The following SMYD3 variants were observed in gnomAD, a reference collection of about 807,000 sequenced individuals.
The protein encoded by SMYD3 is histone-lysine N-methyltransferase SMYD3.
Under a neutral mutation model 57.7 loss-of-function variants are expected in SMYD3, and 36 were observed. The observed-to-expected ratio is 0.62, with a 90% CI of 0.48 to 0.82. SMYD3 has a LOEUF of 0.82. Ranked by LOEUF, SMYD3 falls within the 40% of genes least tolerant of loss-of-function variation. SMYD3 has a pLI of 0.00. For missense variants in SMYD3, 515 were observed against 538.8 expected, an observed-to-expected ratio of 0.96 and a Z score of 0.44; for synonymous variants, 211 against 195.0, an observed-to-expected ratio of 1.08 and a Z score of -0.68.
rs963321694 is a variant in SMYD3 at position 246,219,819 on chromosome 1, A to G, written c.531+107382T>C. The stretch of plus-strand genomic sequence containing the variant: ...AACACTCACCCAGGCTCCTGCACTC[A>G]CACACCTGCATGCCTCCTTTCATGA... On this transcript the variant is annotated intron_variant, in intron 5 of 11. Coordinates refer to ENST00000490107, the MANE Select transcript of SMYD3 (RefSeq NM_001167740.2). Among the ~76,000 whole-genome samples, 7 of 152,180 alleles carry G rather than the reference A, an allele frequency of 4.6e-5. No individual in the cohort carries two copies. The South Asian group carries it at 1.5e-3, about 32-fold the overall frequency.
intron 8 of SMYD3, among the ~76,000 whole-genome samples, chr1:245,909,757 C>A (rs1204427634): frequency 6.6e-6 from 1 of 151,976 alleles, no homozygotes; most frequent in African/African-American, 2.4e-5. Flanking sequence ...CAATAAAATT[C>A]AATATGCCTT....
At chr1:246,466,603 T>A in intron 1 of SMYD3, among the ~76,000 whole-genome samples, 2 of 152,310 alleles carry the variant, frequency 1.3e-5, no homozygotes, top group Middle Eastern at 3.4e-3. Context: ...GATGACAAAA[T>A]AATCTATACA....
At position 246,447,215 on chromosome 1, in the gene SMYD3, T is replaced by C. The variant is rs80175880; in HGVS notation, c.164+59839A>G. On this transcript the variant is annotated intron_variant, in intron 1 of 11. Coordinates refer to ENST00000490107, the MANE Select transcript of SMYD3 (RefSeq NM_001167740.2). ...GAAACCAGATTTAATTATAGGATCA[T>C]CTATAATGTCTTGCCTTTATCAGAG... 8.9e-3 allele frequency among the ~76,000 whole-genome samples: 1,350 copies of C among 152,326 alleles called. 24 individuals carry two copies. Among genetic ancestry groups the C allele is most frequent in the African/African-American group, 0.029 (1,207 of 41,570 alleles).
At chr1:246,141,423 C>A (rs923830869) in intron 5 of SMYD3, among the ~76,000 whole-genome samples, 15 of 152,148 alleles carry the variant, frequency 9.9e-5, no homozygotes. Flanking sequence ...CAAATTTTAT[C>A]ATTTGTACGG....
chr1:245,843,540 A>ATGTG (rs10531765), intron 10 of SMYD3, among the ~76,000 whole-genome samples: 97 of 149,652 alleles, frequency 6.5e-4, no homozygotes, highest in African/African-American at 2.1e-3. Flanking sequence ...GTATATATAT[A>ATGTG]TGTGTGTGTG....
At chr1:246,494,162 A>G (rs1007267142) in intron 1 of SMYD3, among the ~76,000 whole-genome samples, 1 of 152,216 alleles carries the variant, frequency 6.6e-6, no homozygotes, top group Non-Finnish European at 1.5e-5. Context: ...AGTTGTACCT[A>G]GAAAATAAAG....
At chr1:246,042,004 G>A (rs1229253994) in intron 5 of SMYD3, among the ~76,000 whole-genome samples, 3 of 152,136 alleles carry the variant, frequency 2.0e-5, no homozygotes, top group Non-Finnish European at 4.4e-5. Flanking sequence ...TTGAGAAAAT[G>A]ATGGATTCAA....
intron 1 of SMYD3, among the ~76,000 whole-genome samples, chr1:246,446,367 C>A (rs752181148): frequency 6.6e-6 from 1 of 151,990 alleles, no homozygotes; most frequent in South Asian, 2.1e-4. Context: ...TTCTATTTAT[C>A]TAGTAAGAAA....
intron 5 of SMYD3, among the ~76,000 whole-genome samples, chr1:246,217,999 T>C (rs1390873006): frequency 6.6e-6 from 1 of 151,972 alleles, no homozygotes; most frequent in Non-Finnish European, 1.5e-5. Context: ...CAATGATATG[T>C]GTAACAGTTA....
intron 5 of SMYD3, among the ~76,000 whole-genome samples, chr1:246,153,922 T>C (rs1291695360): frequency 6.6e-6 from 1 of 152,214 alleles, no homozygotes; most frequent in African/African-American, 2.4e-5. Context: ...TCTCATAATA[T>C]GTACTGTGAC....
chr1:246,262,174 A>G (rs966535261), intron 5 of SMYD3, among the ~76,000 whole-genome samples: 3 of 152,184 alleles, frequency 2.0e-5, no homozygotes, highest in African/African-American at 7.2e-5. Context: ...GATATAGAAG[A>G]GTGTATGATA....
At chr1:245,970,353 A>T (rs774089487) in intron 5 of SMYD3, among the ~76,000 whole-genome samples, 20 of 152,240 alleles carry the variant, frequency 1.3e-4, no homozygotes, top group Non-Finnish European at 2.5e-4. Context: ...AAAACCATAA[A>T]AACCCTAGAA....
At chr1:245,798,535 C>G (rs992068840) in intron 10 of SMYD3, among the ~76,000 whole-genome samples, 1 of 144,444 alleles carries the variant, frequency 6.9e-6, no homozygotes, top group Non-Finnish European at 1.5e-5. Context: ...TAAGAGCCAC[C>G]CAGCTTCTTA....
At chr1:245,787,088 G>A (rs2047073335) in intron 10 of SMYD3, among the ~76,000 whole-genome samples, 1 of 152,168 alleles carries the variant, frequency 6.6e-6, no homozygotes, top group Non-Finnish European at 1.5e-5. Context: ...TCTTTACAAC[G>A]CCTTCTTCCA....
At chr1:245,889,177 G>A (rs1025918044) in intron 8 of SMYD3, among the ~76,000 whole-genome samples, 5 of 152,160 alleles carry the variant, frequency 3.3e-5, no homozygotes, top group Admixed American at 6.5e-5. Context: ...CTTTGAGCAT[G>A]TACTATGGAC....
chr1:245,808,661 C>A (rs755005061), intron 10 of SMYD3, among the ~76,000 whole-genome samples: 3 of 152,166 alleles, frequency 2.0e-5, no homozygotes, highest in Non-Finnish European at 4.4e-5. Flanking sequence ...GTGTAGTTGT[C>A]TCCATTGAGG....
chr1:246,243,272 C>A (rs938328240), intron 5 of SMYD3, among the ~76,000 whole-genome samples: 1 of 151,406 alleles, frequency 6.6e-6, no homozygotes, highest in African/African-American at 2.4e-5. Flanking sequence ...TAGTCCAGTT[C>A]CTGCATGTTT....
chr1:246,174,362 A>G (rs1370046695), intron 5 of SMYD3, among the ~76,000 whole-genome samples: 1 of 152,174 alleles, frequency 6.6e-6, no homozygotes, highest in African/African-American at 2.4e-5. Context: ...CTCTATTATA[A>G]TATTATGGGA....
At chr1:246,185,513 G>A (rs755079684) in intron 5 of SMYD3, among the ~76,000 whole-genome samples, 41 of 142,716 alleles carry the variant, frequency 2.9e-4, no homozygotes, top group Non-Finnish European at 5.1e-4. Context: ...GGAGTGTGGA[G>A]TGCAGTGGCG....
Sources: allele counts gnomAD v4.1 joint callset (sites outside exome capture counted in the v4.1 genomes callset), GRCh38; gene constraint gnomAD v4.1.1; transcripts MANE v1.5; gene names NCBI Gene and HGNC (gene_info 2026-07-23, HGNC 2026-07-21).